The following MTNAP1 variants were observed in gnomAD, a reference collection of about 807,000 sequenced individuals.
MTNAP1 encodes mitochondrial nucleoid-associated protein 1.
chr17:73,246,466 GC>G, the MTNAP1 span, among the ~76,000 whole-genome samples: 1 of 152,212 alleles, frequency 6.6e-6, no homozygotes, highest in African/African-American at 2.4e-5. Flanking sequence ...AGCCCAGGAG[GC>G]GGAGGCTGCA....
At chr17:73,239,637 G>C in the MTNAP1 span, among the ~76,000 whole-genome samples, 2 of 151,324 alleles carry the variant, frequency 1.3e-5, no homozygotes, top group South Asian at 4.2e-4. Context: ...TCCTGCTTCA[G>C]GCTCCAGAGT....
At chr17:73,242,754 C>G in the MTNAP1 span, 1 of 636,734 alleles carries the variant, frequency 1.6e-6, no homozygotes, top group East Asian at 2.8e-5. Flanking sequence ...TGATGTTAGC[C>G]TTTATGTGTT....
chr17:73,236,115 C>T, the MTNAP1 span: 13 of 1,614,048 alleles, frequency 8.1e-6, no homozygotes, highest in Non-Finnish European at 1.1e-5. Flanking sequence ...AAATTGATCC[C>T]CAAAGACAGG....
chr17:73,237,132 T>A, the MTNAP1 span: 1 of 952,258 alleles, frequency 1.1e-6, no homozygotes, highest in Non-Finnish European at 1.5e-6. Context: ...AGACTGCATA[T>A]AAAGTTGTCC....
the MTNAP1 span, chr17:73,236,128 C>T: frequency 6.2e-7 from 1 of 1,614,180 alleles, no homozygotes; most frequent in Non-Finnish European, 8.5e-7. Context: ...AAGACAGGAA[C>T]TTCTAGTAAA....
At chr17:73,236,124 G>C in the MTNAP1 span, 1 of 1,614,082 alleles carries the variant, frequency 6.2e-7, no homozygotes, top group Non-Finnish European at 8.5e-7. Context: ...CCCAAAGACA[G>C]GAACTTCTAG....
chr17:73,236,046 A>G, the MTNAP1 span: 1 of 1,614,138 alleles, frequency 6.2e-7, no homozygotes, highest in Non-Finnish European at 8.5e-7. Flanking sequence ...AAGATAGAAA[A>G]TATTCCTCAA....
At chr17:73,232,607 A>T in the MTNAP1 span, 5 of 305,612 alleles carry the variant, frequency 1.6e-5, no homozygotes, top group East Asian at 5.4e-5. Flanking sequence ...CCTATCCGGC[A>T]GTGGTGCAGA....
the MTNAP1 span, among the ~76,000 whole-genome samples, chr17:73,243,740 G>A: frequency 1.3e-5 from 2 of 151,748 alleles, no homozygotes; most frequent in African/African-American, 4.8e-5. Flanking sequence ...TCACCATATT[G>A]GCCAGGCTAG....
At chr17:73,240,300 G>A in the MTNAP1 span, among the ~76,000 whole-genome samples, 752 of 152,234 alleles carry the variant, frequency 4.9e-3, 14 homozygotes, top group East Asian at 0.025. Context: ...AGTAAATAAG[G>A]TGTAATCATC....
the MTNAP1 span, chr17:73,248,624 A>C: frequency 7.6e-7 from 1 of 1,318,608 alleles, no homozygotes; most frequent in Non-Finnish European, 1.1e-6. Flanking sequence ...AGGCATGGTG[A>C]CACCCAGGCT....
At chr17:73,245,218 TG>T in the MTNAP1 span, 1 of 1,613,210 alleles carries the variant, frequency 6.2e-7, no homozygotes, top group East Asian at 2.2e-5. Context: ...CTTAAAGCTC[TG>T]GAACAGCAAA....
chr17:73,242,439 A>C, the MTNAP1 span: 166 of 832,830 alleles, frequency 2.0e-4, no homozygotes, highest in African/African-American at 2.7e-3. Flanking sequence ...AAGGCTAAAG[A>C]GGAGAGGAAA....
chr17:73,244,291 G>T, the MTNAP1 span, among the ~76,000 whole-genome samples: 5 of 151,944 alleles, frequency 3.3e-5, no homozygotes, highest in Admixed American at 1.3e-4. Context: ...GGCCGGGCGC[G>T]GTGGCTCACG....
At chr17:73,247,124 C>T in the MTNAP1 span, 1 of 847,328 alleles carries the variant, frequency 1.2e-6, no homozygotes, top group Non-Finnish European at 1.9e-6. Context: ...ACAAGCCCTG[C>T]TCATTTGGTT....
chr17:73,234,603 A>G, the MTNAP1 span, among the ~76,000 whole-genome samples: 1 of 151,728 alleles, frequency 6.6e-6, no homozygotes, highest in African/African-American at 2.4e-5. Context: ...AGGCAGGACA[A>G]TAGCTTGAAC....
chr17:73,239,810 C>T, the MTNAP1 span, among the ~76,000 whole-genome samples: 2 of 152,180 alleles, frequency 1.3e-5, no homozygotes, highest in African/African-American at 2.4e-5. Flanking sequence ...TGTGAGCCAC[C>T]AGGCCTGGCC....
At chr17:73,246,545 C>CA in the MTNAP1 span, among the ~76,000 whole-genome samples, 5 of 152,036 alleles carry the variant, frequency 3.3e-5, no homozygotes, top group South Asian at 1.0e-3. Flanking sequence ...TCAAAAATCC[C>CA]AAAAAACCTA....
chr17:73,247,613 A>G, the MTNAP1 span: 1 of 352,268 alleles, frequency 2.8e-6, no homozygotes. Context: ...TAATGAGAAT[A>G]GAACTATTTA....
Sources: gnomAD v4.1 joint callset for allele counts (sites outside exome capture counted in the v4.1 genomes callset) on GRCh38, gnomAD v4.1.1 for gene constraint, MANE v1.5 for transcripts, NCBI Gene and HGNC (gene_info 2026-07-23, HGNC 2026-07-21) for gene names.